CYLC1: variants seen among roughly 807,000 people sequenced by gnomAD.
CYLC1 encodes the protein cylicin 1.
In CYLC1, 2 loss-of-function variants were observed where a neutral mutation model predicts 31.6. The observed-to-expected ratio is 0.06, with a 90% CI of 0.03 to 0.20. The LOEUF is 0.20. CYLC1 is among the 10% of genes least tolerant of loss of function. The pLI, the probability that CYLC1 is intolerant of heterozygous loss-of-function variation, is 1.00. For synonymous variants in CYLC1, 185 were observed against 153.0 expected, an observed-to-expected ratio of 1.21 and a Z score of -1.54; for missense variants, 595 against 424.1, an observed-to-expected ratio of 1.40 and a Z score of -3.54.
chrX:83,879,797 T>C (rs1284945537), intron 4 of CYLC1, among the ~76,000 whole-genome samples: 1 of 111,264 alleles, frequency 9.0e-6, no homozygotes, highest in Non-Finnish European at 1.9e-5. Context: ...AGAAAGTGTA[T>C]GGCAGCTGGG....
rs191149325 is a variant in CYLC1 at position 83,868,919 on chromosome X, A to T, written c.18-946A>T. Among the ~76,000 whole-genome samples the T allele has an allele frequency of 4.5e-5, 5 of 110,844 alleles. No individual in the cohort carries two copies. The East Asian group carries it at 1.4e-3, about 31-fold the overall frequency. On this transcript the variant is annotated intron_variant, in intron 1 of 4. Coordinates refer to ENST00000329312, the MANE Select transcript of CYLC1 (RefSeq NM_021118.3). ...GCTAGAATCACTAGACAGTAATCACAAAAACATTTAAAAATTATTGGGATT... is the reference window on the plus strand; with the variant it reads ...GCTAGAATCACTAGACAGTAATCACTAAAACATTTAAAAATTATTGGGATT...
At chrX:83,881,307 A>G (rs1312946591) in intron 4 of CYLC1, among the ~76,000 whole-genome samples, 4 of 111,198 alleles carry the variant, frequency 3.6e-5, no homozygotes, top group Non-Finnish European at 7.5e-5. Context: ...TTCCTTCATA[A>G]TAAAATAAAG....
intron 4 of CYLC1, among the ~76,000 whole-genome samples, chrX:83,886,084 G>T (rs181272796): frequency 8.8e-4 from 98 of 111,362 alleles, no homozygotes; most frequent in South Asian, 7.4e-3. Flanking sequence ...ATGCAAATTC[G>T]AAAATAATTG....
At chrX:83,866,063 C>T (rs1287827467) in intron 1 of CYLC1, among the ~76,000 whole-genome samples, 1 of 111,454 alleles carries the variant, frequency 9.0e-6, no homozygotes, top group Non-Finnish European at 1.9e-5. Context: ...ATATCATCAG[C>T]TCTAAAGTCC....
rs1342356038 is a variant in CYLC1 at position 83,861,165 on chromosome X, A to C, written c.-18A>C. Reference sequence around the variant, plus strand: ...CAACTTACTATGCTCAAGTCCAGGCAACGTACAGGCAGGGGAAATGTCTCT... The same window carrying C: ...CAACTTACTATGCTCAAGTCCAGGCCACGTACAGGCAGGGGAAATGTCTCT... On this transcript the variant is annotated 5_prime_UTR_variant, in exon 1 of 5. Transcript: ENST00000329312. 1 of 1,198,738 alleles carries C rather than the reference A, an allele frequency of 8.3e-7. No homozygotes were observed. Among genetic ancestry groups the C allele is most frequent in the South Asian group, 1.8e-5 (1 of 55,102 alleles).
At chrX:83,865,647 GTATTCCTTGCCTTT>G (rs1458270574) in intron 1 of CYLC1, among the ~76,000 whole-genome samples, 1 of 111,607 alleles carries the variant, frequency 9.0e-6, no homozygotes, top group African/African-American at 3.3e-5. Context: ...AGAAGCTATT[GTATTCCTTGCCTTT>G]TTTAGCTTCT....
intron 4 of CYLC1, among the ~76,000 whole-genome samples, chrX:83,881,473 T>C (rs1211861806): frequency 9.2e-6 from 1 of 109,182 alleles, no homozygotes; most frequent in African/African-American, 3.3e-5. Context: ...GTCATATGTC[T>C]GCCCATAACA....
Position 83,874,038 on chromosome X carries a change from A to C in CYLC1, c.1330A>C (p.Thr444Pro). The change falls in exon 4 of 5, where the codon ACT becomes CCT. Residue 444 changes from threonine (T) to proline (P), a missense_variant. Physicochemically the swap from Thr to Pro is conservative, Grantham distance 38 (BLOSUM62 -1). Coordinates refer to ENST00000329312, the MANE Select transcript of CYLC1 (RefSeq NM_021118.3). ...KKSVKNDEES[T>P]DADSEPKGDS... ...GTCTGTCAAGAATGATGAAGAGTCT[A>C]CTGATGCTGACTCTGAACCGAAGGG... 5 of 1,200,571 alleles carry C rather than the reference A, an allele frequency of 4.2e-6. No individual in the cohort carries two copies. Among genetic ancestry groups the C allele is most frequent in the Non-Finnish European group, 4.5e-6 (4 of 888,400 alleles).
At position 83,873,963 on chromosome X, in the gene CYLC1, C is replaced by G; in HGVS notation, c.1255C>G (p.Gln419Glu). 8.5e-7 allele frequency: 1 copy of G among 1,172,232 alleles called. No homozygotes were observed. The highest frequency in any genetic ancestry group is 1.1e-6 in the Non-Finnish European group (1 of 874,434). Reference sequence around the variant, plus strand: ...ATCTGAACTGGAGTCAAAGGAGAGTCAGAAAGATGAAAAAAAGGATAAAAA... The same window carrying G: ...ATCTGAACTGGAGTCAAAGGAGAGTGAGAAAGATGAAAAAAAGGATAAAAA... Reference protein sequence around the residue: ...SESELESKESQKDEKKDKKDS... With the variant: ...SESELESKESEKDEKKDKKDS... Residue 419 changes from glutamine to glutamate, a missense_variant, in exon 4 of 5, where the codon CAG becomes GAG. Physicochemically the swap from Gln to Glu is conservative, Grantham distance 29. Coordinates refer to ENST00000329312, the MANE Select transcript of CYLC1 (RefSeq NM_021118.3).
chrX:83,864,045 C>A (rs990192196), intron 1 of CYLC1, among the ~76,000 whole-genome samples: 1 of 111,273 alleles, frequency 9.0e-6, no homozygotes, highest in Admixed American at 9.6e-5. Flanking sequence ...CACATGGCAT[C>A]CACGTTTTGT....
chrX:83,880,833 C>T (rs888627329), intron 4 of CYLC1, among the ~76,000 whole-genome samples: 1 of 111,097 alleles, frequency 9.0e-6, no homozygotes, highest in Non-Finnish European at 1.9e-5. Flanking sequence ...TAAAAGAAAC[C>T]AACGTATTAG....
intron 1 of CYLC1, among the ~76,000 whole-genome samples, chrX:83,862,675 G>A (rs2031532202): frequency 8.9e-6 from 1 of 112,507 alleles, no homozygotes; most frequent in African/African-American, 3.2e-5. Context: ...GCCTACATCT[G>A]ATCTTCCCTC....
At chrX:83,869,730 G>A (rs1006980493) in intron 1 of CYLC1, 135 bp from the exon 2 acceptor site, 12 of 271,590 alleles carry the variant, frequency 4.4e-5, no homozygotes, top group African/African-American at 3.4e-4. Context: ...CAATAAGACA[G>A]TTCCAAATCA....
intron 1 of CYLC1, among the ~76,000 whole-genome samples, chrX:83,865,161 C>T (rs1358219642): frequency 9.0e-6 from 1 of 111,084 alleles, no homozygotes; most frequent in Non-Finnish European, 1.9e-5. Context: ...AAACAAAATT[C>T]TTGTTTTATA....
chrX:83,884,221 G>T (rs1329793365), intron 4 of CYLC1, among the ~76,000 whole-genome samples: 1 of 111,169 alleles, frequency 9.0e-6, no homozygotes, highest in Non-Finnish European at 1.9e-5. Context: ...TTCACAACAA[G>T]TTTTTTTTAG....
At chrX:83,861,643 G>A (rs182323768) in intron 1 of CYLC1, among the ~76,000 whole-genome samples, 3 of 111,907 alleles carry the variant, frequency 2.7e-5, no homozygotes, top group Non-Finnish European at 5.6e-5. Context: ...AGAAAGTGCA[G>A]TAAGTTTATT....
chrX:83,879,430 C>T (rs2147786070), intron 4 of CYLC1, among the ~76,000 whole-genome samples: 1 of 111,487 alleles, frequency 9.0e-6, no homozygotes, highest in Admixed American at 9.6e-5. Context: ...CAGTAAAGTA[C>T]AACTTATTTT....
At position 83,873,382 on chromosome X, in the gene CYLC1, A is replaced by G; in HGVS notation, c.674A>G (p.Lys225Arg). Residue 225 changes from lysine to arginine, a missense_variant, in exon 4 of 5, where the codon AAG becomes AGG. Lys to Arg is a conservative substitution (Grantham distance 26). Coordinates refer to ENST00000329312, the MANE Select transcript of CYLC1 (RefSeq NM_021118.3). ...HTKNNPKKDL[K>R]RSKTSNDPIS... ...AAGAACAATCCAAAGAAAGATTTGA[A>G]GAGGTCAAAGACTAGTAATGATCCC... 1 of 1,203,105 alleles carries G rather than the reference A, an allele frequency of 8.3e-7. No homozygotes were observed. Among genetic ancestry groups the G allele is most frequent in the Non-Finnish European group, 1.1e-6 (1 of 889,432 alleles).
intron 4 of CYLC1, among the ~76,000 whole-genome samples, chrX:83,879,629 C>A (rs747992111): frequency 9.0e-6 from 1 of 110,834 alleles, no homozygotes; most frequent in Non-Finnish European, 1.9e-5. Context: ...TTTCACCCAT[C>A]GCTTTTTTTC....
Sources: gnomAD v4.1 joint callset for allele counts (sites outside exome capture counted in the v4.1 genomes callset) on GRCh38, gnomAD v4.1.1 for gene constraint, MANE v1.5 for transcripts, NCBI Gene and HGNC (gene_info 2026-07-23, HGNC 2026-07-21) for gene names.